CRB2: variants seen among roughly 807,000 people sequenced by gnomAD.
The protein encoded by CRB2 is crumbs cell polarity complex component 2.
In CRB2, 85 loss-of-function variants were observed where a neutral mutation model predicts 110.9. The ratio of observed to expected loss-of-function variants is 0.77; its 90% CI spans 0.64 to 0.92. CRB2 has a LOEUF of 0.92. CRB2 is among the 40% of genes least tolerant of loss of function. The pLI, the probability that CRB2 is intolerant of heterozygous loss-of-function variation, is 0.00. For missense variants in CRB2, 1,843 were observed against 1,851.3 expected, an observed-to-expected ratio of 1.00 and a Z score of 0.08; for synonymous variants, 907 against 831.0, an observed-to-expected ratio of 1.09 and a Z score of -1.57.
chr9:123,355,019 C>T (rs547091556), upstream of CRB2, among the ~76,000 whole-genome samples: 10 of 152,310 alleles, frequency 6.6e-5, no homozygotes, highest in South Asian at 2.1e-4. Context: ...CCAGGGCCTG[C>T]GTGGGCTGTA....
chr9:123,371,006 C>T, intron 7 of CRB2, 26 bp downstream of exon 7: 1 of 1,595,340 alleles, frequency 6.3e-7, no homozygotes, highest in African/African-American at 1.3e-5. Flanking sequence ...GGTGGGAAGG[C>T]AGCACCTGAG....
rs1324769397 is a variant in CRB2, at chr9:123,370,233, T to C, written c.1180T>C (p.Ser394Pro). The C allele has an allele frequency of 3.1e-6, 5 of 1,613,188 alleles. No homozygotes were observed. Among genetic ancestry groups the C allele is most frequent in the Middle Eastern group, 1.6e-4 (1 of 6,084 alleles). The change falls in exon 7 of 13, where the codon TCT becomes CCT. Residue 394 changes from serine (S) to proline (P), a missense_variant. Physicochemically the swap from Ser to Pro is moderately conservative, Grantham distance 74. Transcript: ENST00000373631. ...CPETWGGRDC[S>P]VQLTGCQGHT... The stretch of plus-strand genomic sequence containing the variant: ...AGAGACCTGGGGTGGGCGCGACTGT[T>C]CTGTGCAGCTCACTGGCTGCCAGGG...
intron 1 of CRB2, among the ~76,000 whole-genome samples, chr9:123,357,687 T>G (rs1016484549): frequency 1.3e-5 from 2 of 152,024 alleles, no homozygotes; most frequent in Non-Finnish European, 2.9e-5. Context: ...GAGATCCCGG[T>G]CTGTGGATCG....
intron 2 of CRB2, among the ~76,000 whole-genome samples, chr9:123,363,503 C>T (rs1470669627): frequency 1.3e-5 from 2 of 152,154 alleles, no homozygotes; most frequent in Non-Finnish European, 1.5e-5. Flanking sequence ...CAGTGTGAAC[C>T]TGCCTGGCGT....
chr9:123,363,463 G>A (rs1030080272), intron 2 of CRB2, among the ~76,000 whole-genome samples: 10 of 152,164 alleles, frequency 6.6e-5, no homozygotes, highest in African/African-American at 1.7e-4. Context: ...GTTTGGCTGC[G>A]GGGGTGGAAT....
intron 1 of CRB2, among the ~76,000 whole-genome samples, chr9:123,362,200 A>C (rs2041876305): frequency 6.6e-6 from 1 of 152,154 alleles, no homozygotes; most frequent in Non-Finnish European, 1.5e-5. Context: ...AGCGGAGCAC[A>C]CGATCCCTGC....
At position 123,366,546 on chromosome 9, in the gene CRB2, A is replaced by G. The variant is rs117883293; in HGVS notation, c.754+180A>G. Among the ~76,000 whole-genome samples, 263 of 152,320 alleles carry G rather than the reference A, an allele frequency of 1.7e-3. 2 individuals are homozygous for G. In the East Asian group the frequency reaches 0.024, roughly 14 times the overall value. Reference sequence around the variant, plus strand: ...TTTCCTGATCTACAAAATAGGGCTGATCGTAGCGCCTGCTCCTGGGGTTGC... The same window carrying G: ...TTTCCTGATCTACAAAATAGGGCTGGTCGTAGCGCCTGCTCCTGGGGTTGC... On this transcript the variant is annotated intron_variant, in intron 4 of 12. Transcript: ENST00000373631.
At position 123,365,975 on chromosome 9, in the gene CRB2, C is replaced by G. The variant is rs769394873; in HGVS notation, c.477C>G (p.Gly159=). The change falls in exon 3 of 13, where the codon GGC becomes GGG. Residue 159 remains glycine, a synonymous_variant. Coordinates refer to ENST00000373631, the MANE Select transcript of CRB2 (RefSeq NM_173689.7). ...ECASAPCLHG[G]SCLDGVGSFR... ...CCTCAGCGCCCTGCCTGCACGGGGG[C>G]TCGTGCCTGGACGGCGTGGGCTCCT... The G allele has an allele frequency of 6.3e-7, 1 of 1,597,480 alleles. No individual in the cohort carries two copies. Among genetic ancestry groups the G allele is most frequent in the South Asian group, 1.1e-5 (1 of 90,830 alleles).
Position 123,366,465 on chromosome 9 carries a change from C to T in CRB2, c.754+99C>T, listed in dbSNP as rs2041933964. ...CAGGTGTGTGGCTGCACGCGAGTGC[C>T]CGCTGGGTCCTCGGGACCAGAGTGT... is the stretch of plus-strand genomic sequence containing the variant. On this transcript the variant is annotated intron_variant, in intron 4 of 12. Coordinates refer to ENST00000373631, the MANE Select transcript of CRB2 (RefSeq NM_173689.7). 8 of 1,380,328 alleles carry T rather than the reference C, an allele frequency of 5.8e-6. No individual in the cohort carries two copies. In the Admixed American group the frequency reaches 2.1e-4, roughly 37 times the overall value. 85.5% of individuals were successfully genotyped at this position (1,380,328 alleles called of 1,614,324 possible). A position where few individuals can be genotyped will look rare whatever the true frequency, so the allele number is the denominator to read the frequency against.
In CRB2 at chr9:123,374,601, TGCAGCCTGAATGTCACCTGCCTCGATG is replaced by T. The variant is rs2042074812; in HGVS notation, c.3419_3445del (p.Leu1140_Ser1148del). ...CAGGTTGCCTGTCCCATCCAAGGAG[TGCAGCCTGAATGTCACCTGCCTCGATG>T]GCAGCCCATGTGAGGGTGGCTCTCC... On this transcript the variant is annotated inframe_deletion, in exon 11 of 13. Coordinates refer to ENST00000373631, the MANE Select transcript of CRB2 (RefSeq NM_173689.7). 2 of 1,613,188 alleles carry T rather than the reference TGCAGCCTGAATGTCACCTGCCTCGATG, an allele frequency of 1.2e-6. No individual in the cohort carries two copies. The highest frequency in any genetic ancestry group is 2.7e-5 in the African/African-American group (2 of 74,858).
intron 2 of CRB2, among the ~76,000 whole-genome samples, chr9:123,365,541 T>C (rs1470293165): frequency 6.6e-6 from 1 of 152,194 alleles, no homozygotes; most frequent in Non-Finnish European, 1.5e-5. Context: ...ATCTGAATCC[T>C]TCAAAAGCCT....
chr9:123,359,455 T>G (rs1326473829), intron 1 of CRB2, among the ~76,000 whole-genome samples: 13 of 136,570 alleles, frequency 9.5e-5, no homozygotes, highest in South Asian at 7.3e-4. Context: ...TTTTTTTTTT[T>G]TTTTTTTTTT....
In CRB2 at chr9:123,362,978, G is replaced by A. The variant is rs1243753586; in HGVS notation, c.208G>A (p.Gly70Ser). The A allele has an allele frequency of 6.2e-7, 1 of 1,612,220 alleles. No individual in the cohort carries two copies. The highest frequency in any genetic ancestry group is 8.5e-7 in the Non-Finnish European group (1 of 1,179,452). ...TACCTGTGGGCCCATGGAGCCCCGGGGCTGTGCCACCCAGCCATGCCACCA... is the reference window on the plus strand; with the variant it reads ...TACCTGTGGGCCCATGGAGCCCCGGAGCTGTGCCACCCAGCCATGCCACCA... ...GYTCGPMEPR[G>S]CATQPCHHGA... The change falls in exon 2 of 13, where the codon GGC (glycine) becomes AGC (serine). Residue 70 changes from glycine to serine, a missense_variant. Physicochemically the swap from Gly to Ser is moderately conservative, Grantham distance 56. Coordinates refer to ENST00000373631, the MANE Select transcript of CRB2 (RefSeq NM_173689.7).
chr9:123,358,440 A>T (rs1410501581), intron 1 of CRB2, among the ~76,000 whole-genome samples: 7 of 152,300 alleles, frequency 4.6e-5, no homozygotes, highest in South Asian at 4.1e-4. Context: ...TCCTCCAGCC[A>T]GAAGGGGGTG....
intron 9 of CRB2, 80 bp from the exon 10 acceptor site, chr9:123,373,054 C>A: frequency 8.0e-7 from 1 of 1,253,268 alleles, no homozygotes. Flanking sequence ...GGCTGTCTGC[C>A]ACTCGCTGGG....
intron 1 of CRB2, among the ~76,000 whole-genome samples, chr9:123,357,905 CAG>C (rs372849950): frequency 9.8e-5 from 15 of 152,388 alleles, no homozygotes; most frequent in African/African-American, 3.4e-4. Flanking sequence ...CATTCACACT[CAG>C]TGTGCACTCA....
At chr9:123,360,021 A>G (rs2041849546) in intron 1 of CRB2, among the ~76,000 whole-genome samples, 1 of 152,118 alleles carries the variant, frequency 6.6e-6, no homozygotes, top group Non-Finnish European at 1.5e-5. Flanking sequence ...TAGGGTTTGT[A>G]AAGTGAAAAT....
chr9:123,375,862 C>A (rs936311075), intron 12 of CRB2, among the ~76,000 whole-genome samples: 2 of 151,998 alleles, frequency 1.3e-5, no homozygotes, highest in Non-Finnish European at 2.9e-5. Flanking sequence ...AGGCAGCAGG[C>A]GCTGGAGCTG....
At chr9:123,359,429 CGTTTTTGTTTTGTTTT>C (rs2041835336) in intron 1 of CRB2, among the ~76,000 whole-genome samples, 2 of 106,256 alleles carry the variant, frequency 1.9e-5, no homozygotes, top group South Asian at 3.4e-4. Context: ...TGTGGTTTTT[CGTTTTTGTTTTGTTTT>C]TTTTTTTTTT....
Sources: gnomAD v4.1 joint callset for allele counts (sites outside exome capture counted in the v4.1 genomes callset) on GRCh38, gnomAD v4.1.1 for gene constraint, MANE v1.5 for transcripts, NCBI Gene and HGNC (gene_info 2026-07-23, HGNC 2026-07-21) for gene names.